Variants in PDGFB observed in about 807,000 individuals in gnomAD.
The protein encoded by PDGFB is platelet-derived growth factor subunit B.
PDGFB carries 6 observed loss-of-function variants against 29.0 expected under a neutral mutation model. The observed-to-expected ratio is 0.21, with a 90% CI of 0.11 to 0.41. The LOEUF is 0.41. Ranked by LOEUF, PDGFB falls within the 10% of genes least tolerant of loss-of-function variation. The pLI, the probability that PDGFB is intolerant of heterozygous loss-of-function variation, is 1.00. For synonymous variants in PDGFB, 144 were observed against 140.8 expected, an observed-to-expected ratio of 1.02 and a Z score of -0.16; for missense variants, 299 against 341.8, an observed-to-expected ratio of 0.87 and a Z score of 0.99.
At chr22:39,237,149 C>T (rs979961746) in intron 1 of PDGFB, among the ~76,000 whole-genome samples, 3 of 152,038 alleles carry the variant, frequency 2.0e-5, no homozygotes, top group South Asian at 4.1e-4. Context: ...GAGAAGAGGT[C>T]GTCTCAGCCC....
chr22:39,239,001 G>A (rs990647205), intron 1 of PDGFB, among the ~76,000 whole-genome samples: 1 of 152,266 alleles, frequency 6.6e-6, no homozygotes, highest in Non-Finnish European at 1.5e-5. Context: ...GGCTCCAGAT[G>A]CCAGGGCAAC....
intron 1 of PDGFB, among the ~76,000 whole-genome samples, chr22:39,239,086 C>G (rs756455926): frequency 1.3e-5 from 2 of 152,232 alleles, no homozygotes; most frequent in Non-Finnish European, 2.9e-5. Context: ...TAATACCTCG[C>G]CCGGGGTTAC....
chr22:39,229,491 C>G (rs1034015783), intron 5 of PDGFB, among the ~76,000 whole-genome samples: 1 of 152,196 alleles, frequency 6.6e-6, no homozygotes, highest in Non-Finnish European at 1.5e-5. Flanking sequence ...CTGGTTCCCC[C>G]GCTCAAGGAT....
In PDGFB at chr22:39,244,740, GCTGCGA is replaced by G. The variant is rs2146460533; in HGVS notation, c.-783_-778del. 1.3e-5 allele frequency: 2 copies of G among 152,982 alleles called. No homozygotes were observed. Among genetic ancestry groups the G allele is most frequent in the African/African-American group, 8.9e-5 (2 of 22,384 alleles). The allele number at this position is 152,982 out of a possible 1,614,324, so 9.5% of individuals were successfully genotyped here. A position where few individuals can be genotyped will look rare whatever the true frequency, so the allele number is the denominator to read the frequency against. Reference sequence around the variant, plus strand: ...GTCCTCTGCGGGCTGCGGGCTGCGAGCTGCGAGCTGCGAGCTGCGGCTGCTCCGGTT... The same window carrying G: ...GTCCTCTGCGGGCTGCGGGCTGCGAGGCTGCGAGCTGCGGCTGCTCCGGTT... On this transcript the variant is annotated 5_prime_UTR_variant, in exon 1 of 7. Transcript: ENST00000331163. The surrounding 1 kb of genome is among the most constrained non-coding windows in gnomAD (Gnocchi z 4.5).
At chr22:39,230,443 C>T (rs759011825) in intron 4 of PDGFB, among the ~76,000 whole-genome samples, 15 of 152,262 alleles carry the variant, frequency 9.9e-5, no homozygotes, top group African/African-American at 1.4e-4. Flanking sequence ...CAAGCCCTCC[C>T]GACCTGGGGC....
At position 39,243,278 on chromosome 22, in the gene PDGFB, C is replaced by T. The variant is rs920139062; in HGVS notation, c.63+623G>A. 7.4e-5 allele frequency among the ~76,000 whole-genome samples: 11 copies of T among 148,550 alleles called. No individual in the cohort carries two copies. Among genetic ancestry groups the T allele is most frequent in the African/African-American group, 2.8e-4 (11 of 38,822 alleles). On this transcript the variant is annotated intron_variant, in intron 1 of 6. Coordinates refer to ENST00000331163, the MANE Select transcript of PDGFB (RefSeq NM_002608.4). The surrounding 1 kb of genome is among the most constrained non-coding windows in gnomAD (Gnocchi z 6.4). ...TCTCTCTCTCTCTCTCTCTCTTTCT[C>T]TCTCTCTCTCTCTCTCTCCCTGTTA... is the stretch of plus-strand genomic sequence containing the variant.
intron 1 of PDGFB, among the ~76,000 whole-genome samples, chr22:39,240,351 T>G (rs1369963329): frequency 6.8e-6 from 1 of 147,700 alleles, no homozygotes; most frequent in South Asian, 2.1e-4. Context: ...CTCTCTCTCT[T>G]TTTTTTTTTA....
At chr22:39,226,022 G>A (rs1227084970) in intron 5 of PDGFB, among the ~76,000 whole-genome samples, 175 bp from the exon 6 acceptor site, 1 of 152,158 alleles carries the variant, frequency 6.6e-6, no homozygotes, top group African/African-American at 2.4e-5. Flanking sequence ...ATGTGCCTTG[G>A]GGACAATGAC....
rs986631387 is a variant in PDGFB at position 39,244,041 on chromosome 22, T to A, written c.-78A>T. 1 of 137,506 alleles carries A rather than the reference T, an allele frequency of 7.3e-6. No individual in the cohort carries two copies. The allele number at this position is 137,506 out of a possible 1,614,324, so 8.5% of individuals were successfully genotyped here. On this transcript the variant is annotated 5_prime_UTR_variant, in exon 1 of 7. Coordinates refer to ENST00000331163, the MANE Select transcript of PDGFB (RefSeq NM_002608.4). The surrounding 1 kb of genome is among the most constrained non-coding windows in gnomAD (Gnocchi z 4.5). ...CGCCCCCGCGGCCAGGGTGGGGGGCTGGGGAGGGGGGTGGGCTCGGCTCGG... is the reference window on the plus strand; with the variant it reads ...CGCCCCCGCGGCCAGGGTGGGGGGCAGGGGAGGGGGGTGGGCTCGGCTCGG...
chr22:39,229,649 C>T (rs1212202756), intron 5 of PDGFB, among the ~76,000 whole-genome samples: 1 of 152,212 alleles, frequency 6.6e-6, no homozygotes, highest in African/African-American at 2.4e-5. Context: ...GGTAGCAAGA[C>T]TGGAAATGGC....
chr22:39,231,295 G>A lies in PDGFB; in HGVS notation c.456+327C>T, dbSNP rs1285666127. Among the ~76,000 whole-genome samples the A allele has an allele frequency of 6.6e-6, 1 of 152,238 alleles. No individual in the cohort carries two copies. The highest frequency in any genetic ancestry group is 1.5e-5 in the Non-Finnish European group (1 of 68,048). On this transcript the variant is annotated intron_variant, in intron 4 of 6. Coordinates refer to ENST00000331163, the MANE Select transcript of PDGFB (RefSeq NM_002608.4). The surrounding 1 kb of genome is among the most constrained non-coding windows in gnomAD (Gnocchi z 4.3). ...TGTTTGCGGATACGGCTCTTCAAGG[G>A]ACGTTTTGCGATTTTGTCCTTGTAA... is the stretch of plus-strand genomic sequence containing the variant.
chr22:39,232,551 G>A (rs142015484), intron 3 of PDGFB, among the ~76,000 whole-genome samples: 9 of 152,042 alleles, frequency 5.9e-5, no homozygotes, highest in East Asian at 1.9e-4. Context: ...GTGCAGTGGC[G>A]TGGTCTCGGC....
In PDGFB at chr22:39,240,799, A is replaced by T. The variant is rs1932548290; in HGVS notation, c.63+3102T>A. 1.9e-6 allele frequency: 3 copies of T among 1,596,986 alleles called. No individual in the cohort carries two copies. The East Asian group carries it at 6.7e-5, about 36-fold the overall frequency. ...AAACCAGAACATAGGAAGAGTTGTC[A>T]CAGAAGAGGCTCCTCAATGTGGGGA... On this transcript the variant is annotated intron_variant, in intron 1 of 6. Transcript: ENST00000331163.
intron 1 of PDGFB, chr22:39,241,257 T>C: frequency 2.4e-6 from 1 of 420,498 alleles, no homozygotes; most frequent in Non-Finnish European, 4.4e-6. Context: ...CTGCCTGCCG[T>C]CTGCTGAAAG....
intron 1 of PDGFB, chr22:39,240,732 G>A: frequency 4.3e-6 from 5 of 1,171,466 alleles, no homozygotes; most frequent in South Asian, 2.4e-5. Flanking sequence ...CTCTAATGGG[G>A]TTGACACTCC....
intron 4 of PDGFB, 56 bp from the exon 5 acceptor site, chr22:39,230,284 G>A: frequency 6.3e-7 from 1 of 1,594,636 alleles, no homozygotes; most frequent in Non-Finnish European, 8.6e-7. Flanking sequence ...AGGAGCCCGG[G>A]AAGCCCGAAT....
chr22:39,237,872 G>A (rs1335097278), intron 1 of PDGFB, among the ~76,000 whole-genome samples: 1 of 152,246 alleles, frequency 6.6e-6, no homozygotes, highest in African/African-American at 2.4e-5. Context: ...GCCAGGAGGC[G>A]TTAGAAGGGG....
chr22:39,243,206 C>T lies in PDGFB; in HGVS notation c.63+695G>A, dbSNP rs1160585605. ...CCCTACCCGAGTGCCCGAAACCTAC[C>T]TGCGTCTCTATCTTTCTCTCCCTCT... is the stretch of plus-strand genomic sequence containing the variant. On this transcript the variant is annotated intron_variant, in intron 1 of 6. Coordinates refer to ENST00000331163, the MANE Select transcript of PDGFB (RefSeq NM_002608.4). The surrounding 1 kb of genome is among the most constrained non-coding windows in gnomAD (Gnocchi z 6.4). Among the ~76,000 whole-genome samples, 1 of 152,100 alleles carries T rather than the reference C, an allele frequency of 6.6e-6. No individual in the cohort carries two copies. The highest frequency in any genetic ancestry group is 2.4e-5 in the African/African-American group (1 of 41,416).
chr22:39,243,947 G>C lies in PDGFB; in HGVS notation c.17C>G (p.Ala6Gly), dbSNP rs752369241. MNRCWALFLSLCCYLR... is the reference protein window; with the variant it reads MNRCWGLFLSLCCYLR... ...GTAGCAGCAGAGAGACAGGAAGAGC[G>C]CCCAGCAGCGATTCATGCCGACTCC... The change falls in exon 1 of 7, where the codon GCG becomes GGG. Residue 6 changes from alanine to glycine, a missense_variant. By Grantham distance (60) the Ala-to-Gly change is moderately conservative. Transcript: ENST00000331163. The surrounding 1 kb of genome is among the most constrained non-coding windows in gnomAD (Gnocchi z 6.4). 5.9e-6 allele frequency: 9 copies of C among 1,520,314 alleles called. No homozygotes were observed. Among genetic ancestry groups the C allele is most frequent in the Non-Finnish European group, 5.3e-6 (6 of 1,123,300 alleles). 94.2% of individuals were successfully genotyped at this position (1,520,314 alleles called of 1,614,324 possible).
Sources: allele counts gnomAD v4.1 joint callset (sites outside exome capture counted in the v4.1 genomes callset), GRCh38; gene constraint gnomAD v4.1.1; non-coding constraint Gnocchi (gnomAD v3.1); transcripts MANE v1.5; gene names NCBI Gene and HGNC (gene_info 2026-07-23, HGNC 2026-07-21).